The following GDF1 variants were observed in gnomAD, a reference collection of about 807,000 sequenced individuals.
GDF1 encodes the protein embryonic growth/differentiation factor 1.
GDF1 carries 8 observed loss-of-function variants against 7.4 expected under a neutral mutation model. The ratio of observed to expected loss-of-function variants is 1.09; its 90% CI spans 0.64 to 1.96. The LOEUF (loss-of-function observed/expected upper bound fraction) is 1.96. GDF1 is among the 30% of genes most tolerant of loss of function. The pLI is 0.00. For synonymous variants in GDF1, 311 were observed against 276.7 expected, an observed-to-expected ratio of 1.12 and a Z score of -1.23; for missense variants, 574 against 551.5, an observed-to-expected ratio of 1.04 and a Z score of -0.41.
At chr19:18,891,412 G>T (rs1014375279) in intron 2 of GDF1, among the ~76,000 whole-genome samples, 1 of 152,158 alleles carries the variant, frequency 6.6e-6, no homozygotes, top group Admixed American at 6.5e-5. Flanking sequence ...CGCAGATGGG[G>T]TTTCCTACAT....
rs890558836 is a variant in GDF1, at chr19:18,868,825, C to T, written c.891G>A (p.Gln297=). ...APRGFLANYC[Q]GQCALPVALS... ...GCGCGACGGGCAGCGCGCACTGACC[C>T]TGGCAGTAGTTGGCCAGGAAGCCGC... Residue 297 remains glutamine (Q), a synonymous_variant, in exon 8 of 8, where the codon CAG becomes CAA. Coordinates refer to ENST00000247005, the MANE Select transcript of GDF1 (RefSeq NM_001492.6). 2.1e-6 allele frequency: 3 copies of T among 1,457,044 alleles called. No homozygotes were observed. The African/African-American group carries it at 4.4e-5, about 22-fold the overall frequency. The allele number at this position is 1,457,044 out of a possible 1,614,324, so 90.3% of individuals were successfully genotyped here. A position where few individuals can be genotyped will look rare whatever the true frequency, so the allele number is the denominator to read the frequency against.
rs764610749 is a variant in GDF1, at chr19:18,879,373, G to C, written c.-555C>G. 6.4e-7 allele frequency: 1 copy of C among 1,572,220 alleles called. No homozygotes were observed. The highest frequency in any genetic ancestry group is 1.2e-5 in the South Asian group (1 of 85,764). ...ACAGGACCTTGAGCGGGAACCAGTA[G>C]AGGCGGAACCAGAACCTGCGGTGGG... On this transcript the variant is annotated 5_prime_UTR_variant, in exon 5 of 8. Coordinates refer to ENST00000247005, the MANE Select transcript of GDF1 (RefSeq NM_001492.6).
At chr19:18,869,419 C>T (rs752155951) in intron 7 of GDF1, 29 bp from the exon 8 acceptor site, 3 of 1,524,068 alleles carry the variant, frequency 2.0e-6, no homozygotes, top group South Asian at 1.2e-5. Flanking sequence ...GAACTCGGCT[C>T]GCGCTGCGTC....
chr19:18,882,664 A>T (rs1036716135), intron 3 of GDF1, among the ~76,000 whole-genome samples: 1 of 150,918 alleles, frequency 6.6e-6, no homozygotes, highest in African/African-American at 2.4e-5. Flanking sequence ...AATAAATAAG[A>T]TAAAGTAATT....
At position 18,880,335 on chromosome 19, in the gene GDF1, A is replaced by G; in HGVS notation, c.-632T>C. The G allele has an allele frequency of 6.4e-7, 1 of 1,555,816 alleles. No homozygotes were observed. The highest frequency in any genetic ancestry group is 1.2e-5 in the South Asian group (1 of 84,330). On this transcript the variant is annotated 5_prime_UTR_variant, in exon 4 of 8. Coordinates refer to ENST00000247005, the MANE Select transcript of GDF1 (RefSeq NM_001492.6). ...GCCAAGGCATGCAGCCGATGGTAGG[A>G]GCCGCCGCGGGACTTGAAGTAAATG...
chr19:18,869,336 C>T lies in GDF1; in HGVS notation c.380G>A (p.Trp127Ter), dbSNP rs900625437. ...AGCCGACAGGTCGAAGACGACTGTC[C>T]ACTCAGGGCAATGCCCCGCGGCCGA... is the stretch of plus-strand genomic sequence containing the variant. ...PASAAGHCPE[W>*]TVVFDLSAVE... Residue 127 changes from tryptophan (W) to a stop codon, truncating the protein, a stop_gained, in exon 8 of 8, where the codon TGG becomes TAG. Coordinates refer to ENST00000247005, the MANE Select transcript of GDF1 (RefSeq NM_001492.6). LOFTEE classifies it low-confidence loss of function (END_TRUNC). The T allele has an allele frequency of 1.3e-6, 2 of 1,529,306 alleles. No homozygotes were observed. Among genetic ancestry groups the T allele is most frequent in the East Asian group, 5.0e-5 (2 of 39,956 alleles). 94.7% of individuals were successfully genotyped at this position (1,529,306 alleles called of 1,614,324 possible). A position where few individuals can be genotyped will look rare whatever the true frequency, so the allele number is the denominator to read the frequency against.
intron 1 of GDF1, among the ~76,000 whole-genome samples, chr19:18,894,706 C>A (rs1377852347): frequency 2.0e-5 from 3 of 152,180 alleles, no homozygotes; most frequent in Non-Finnish European, 4.4e-5. Context: ...CTGTCTCCCC[C>A]TCCCACAGTA....
At chr19:18,879,062 C>T (rs760814077) in intron 5 of GDF1, 23 bp from the exon 6 acceptor site, 24 of 1,610,762 alleles carry the variant, frequency 1.5e-5, no homozygotes, top group Non-Finnish European at 2.0e-5. Flanking sequence ...AGGGGAGGTG[C>T]CAGTGAGAAG....
Position 18,895,774 on chromosome 19 carries a change from G to A in GDF1, c.-1074+50C>T. 9.3e-7 allele frequency: 1 copy of A among 1,074,056 alleles called. No homozygotes were observed. Among genetic ancestry groups the A allele is most frequent in the Non-Finnish European group, 1.2e-6 (1 of 857,148 alleles). The allele number at this position is 1,074,056 out of a possible 1,614,324, so 66.5% of individuals were successfully genotyped here. ...CCGGCGGCCCCAGGTCCCCGGTCCC[G>A]GCTTCCCCCAGTCCGGGGTCCCCTC... On this transcript the variant is annotated intron_variant, in intron 1 of 7. Coordinates refer to ENST00000247005, the MANE Select transcript of GDF1 (RefSeq NM_001492.6). This position sits in a 1 kb window ranked among gnomAD's most constrained non-coding sequence, Gnocchi z 6.4.
At chr19:18,879,132 C>G (rs769732383) in intron 5 of GDF1, 93 bp from the exon 6 acceptor site, 1 of 1,585,776 alleles carries the variant, frequency 6.3e-7, no homozygotes, top group African/African-American at 1.3e-5. Flanking sequence ...GCCCTCCACA[C>G]GGGCTGTCTG....
At chr19:18,888,377 G>C (rs573488482) in intron 2 of GDF1, among the ~76,000 whole-genome samples, 2 of 150,640 alleles carry the variant, frequency 1.3e-5, no homozygotes, top group South Asian at 4.2e-4. Flanking sequence ...AATTAGCTGG[G>C]TGTGGTGGCT....
rs2056116796 is a variant in GDF1, at chr19:18,878,838, CT to C, written c.-313+91del. 2 of 1,541,348 alleles carry C rather than the reference CT, an allele frequency of 1.3e-6. No homozygotes were observed. The highest frequency in any genetic ancestry group is 1.4e-5 in the African/African-American group (1 of 73,304). ...GGGGCAGCATCCGCGTCGGCCTCAT[CT>C]GCTGCTGGGTCTTGGGGGCCTGCCC... On this transcript the variant is annotated intron_variant, in intron 6 of 7. Transcript: ENST00000247005. The surrounding 1 kb of genome is among the most constrained non-coding windows in gnomAD (Gnocchi z 4.6).
Position 18,893,516 on chromosome 19 carries a change from A to G in GDF1, c.-1014T>C. The G allele has an allele frequency of 6.2e-7, 1 of 1,610,702 alleles. No individual in the cohort carries two copies. The highest frequency in any genetic ancestry group is 8.5e-7 in the Non-Finnish European group (1 of 1,178,764). On this transcript the variant is annotated 5_prime_UTR_variant, in exon 2 of 8. Transcript: ENST00000247005. ...TGCCCAGGTAGAAGAGAAACTTCCAAGCGCTCTCGGGCATCTTGGCGGCAT... is the reference window on the plus strand; with the variant it reads ...TGCCCAGGTAGAAGAGAAACTTCCAGGCGCTCTCGGGCATCTTGGCGGCAT...
intron 2 of GDF1, among the ~76,000 whole-genome samples, chr19:18,887,526 C>A (rs1471366152): frequency 6.6e-6 from 1 of 152,132 alleles, no homozygotes; most frequent in East Asian, 1.9e-4. Flanking sequence ...AGGTGGATCA[C>A]CTGAGGTCAG....
chr19:18,869,251 C>G lies in GDF1; in HGVS notation c.465G>C (p.Ala155=). 6.9e-7 allele frequency: 1 copy of G among 1,440,110 alleles called. No homozygotes were observed. 89.2% of individuals were successfully genotyped at this position (1,440,110 alleles called of 1,614,324 possible). A position where few individuals can be genotyped will look rare whatever the true frequency, so the allele number is the denominator to read the frequency against. Residue 155 remains alanine (A), a synonymous_variant, in exon 8 of 8, where the codon GCG becomes GCC. Transcript: ENST00000247005. ...ARLELRFAAA[A]AAAPEGGWEL... ...CCCAGCCGCCCTCCGGGGCTGCCGC[C>G]GCCGCCGCCGCGAAACGCAGCTCCA...
intron 2 of GDF1, among the ~76,000 whole-genome samples, chr19:18,891,450 T>C (rs2056489104): frequency 6.6e-6 from 1 of 152,196 alleles, no homozygotes. Context: ...ATGCCGGCCC[T>C]GCCCTGCATT....
At chr19:18,879,470 A>G in intron 4 of GDF1, 82 bp from the exon 5 acceptor site, 1 of 1,481,318 alleles carries the variant, frequency 6.8e-7, no homozygotes, top group Non-Finnish European at 9.1e-7. Flanking sequence ...TCCTAGACCC[A>G]CCCTTGCCCC....
At position 18,870,467 on chromosome 19, in the gene GDF1, G is replaced by A. The variant is rs886224872; in HGVS notation, c.-160C>T. ...GGGGCGGGGTCCCAGGGGAGGTGGC[G>A]GCGGCCCTAGAGGAGCAGAGTTGGA... On this transcript the variant is annotated 5_prime_UTR_variant, in exon 7 of 8. Transcript: ENST00000247005. The surrounding 1 kb of genome is among the most constrained non-coding windows in gnomAD (Gnocchi z 5.1). 2.7e-5 allele frequency: 20 copies of A among 730,804 alleles called. No individual in the cohort carries two copies. The highest frequency in any genetic ancestry group is 3.7e-5 in the African/African-American group (2 of 53,790). The allele number at this position is 730,804 out of a possible 1,614,324, so 45.3% of individuals were successfully genotyped here. A position where few individuals can be genotyped will look rare whatever the true frequency, so the allele number is the denominator to read the frequency against.
At position 18,868,630 on chromosome 19, in the gene GDF1, C is replaced by T; in HGVS notation, c.1086G>A (p.Glu362=). 1.3e-6 allele frequency: 2 copies of T among 1,573,402 alleles called. No individual in the cohort carries two copies. The highest frequency in any genetic ancestry group is 1.7e-6 in the Non-Finnish European group (2 of 1,159,656). The change falls in exon 8 of 8, where the codon GAG becomes GAA. Residue 362 remains glutamate, a synonymous_variant. Coordinates refer to ENST00000247005, the MANE Select transcript of GDF1 (RefSeq NM_001492.6). ...NSDNVVLRQY[E]DMVVDECGCR ...AGCCGCACTCGTCCACCACCATGTC[C>T]TCATACTGCCGCAGCACCACGTTGT... is the stretch of plus-strand genomic sequence containing the variant.
Sources: gnomAD v4.1 joint callset for allele counts (sites outside exome capture counted in the v4.1 genomes callset) on GRCh38, gnomAD v4.1.1 for gene constraint, Gnocchi (gnomAD v3.1) non-coding constraint, MANE v1.5 for transcripts, NCBI Gene and HGNC (gene_info 2026-07-23, HGNC 2026-07-21) for gene names.